IL1RAPL2: variants seen among roughly 807,000 people sequenced by gnomAD.
IL1RAPL2 encodes the protein X-linked interleukin-1 receptor accessory protein-like 2.
A neutral mutation model predicts 44.1 loss-of-function variants in IL1RAPL2; 3 were observed. The ratio of observed to expected loss-of-function variants is 0.07; its 90% CI spans 0.03 to 0.18. IL1RAPL2 has a LOEUF of 0.18. Among genes scored for constraint, IL1RAPL2 ranks in the 10% least tolerant of loss-of-function variants. The probability of loss-of-function intolerance (pLI) is 1.00; values close to 1 mark genes in which losing one functional copy is unlikely to be tolerated. For missense variants in IL1RAPL2, 391 were observed against 496.4 expected, an observed-to-expected ratio of 0.79 and a Z score of 2.02; for synonymous variants, 181 against 178.8, an observed-to-expected ratio of 1.01 and a Z score of -0.10.
chrX:105,372,477 TC>T (rs2035349802), intron 5 of IL1RAPL2, among the ~76,000 whole-genome samples: 1 of 110,650 alleles, frequency 9.0e-6, no homozygotes, highest in Non-Finnish European at 1.9e-5. Context: ...AAATGTGGGT[TC>T]CTAAAACTTT....
rs183879667 is a variant in IL1RAPL2, at chrX:105,398,494, G to T, written c.698-85819G>T. Among the ~76,000 whole-genome samples, 832 of 109,873 alleles carry T rather than the reference G, an allele frequency of 7.6e-3. 5 individuals carry two copies. Among genetic ancestry groups the T allele is most frequent in the Non-Finnish European group, 9.5e-3 (500 of 52,499 alleles). ...CTAAAGATATATTTGATTTTTTTGT[G>T]TGTGTGTGTATGTAATTAGGAATGA... On this transcript the variant is annotated intron_variant, in intron 5 of 10. Coordinates refer to ENST00000372582, the MANE Select transcript of IL1RAPL2 (RefSeq NM_017416.2).
intron 6 of IL1RAPL2, among the ~76,000 whole-genome samples, chrX:105,632,066 T>G (rs1279037125): frequency 9.1e-6 from 1 of 110,240 alleles, no homozygotes; most frequent in Admixed American, 9.7e-5. Context: ...CCTTTTTTTT[T>G]TCTTTTCTGC....
intron 3 of IL1RAPL2, among the ~76,000 whole-genome samples, chrX:105,214,526 G>A (rs2033835892): frequency 9.0e-6 from 1 of 110,607 alleles, no homozygotes; most frequent in South Asian, 3.9e-4. Flanking sequence ...CAGTAATAGT[G>A]GGAGACATTA....
chrX:104,892,109 A>T (rs1472229219), intron 2 of IL1RAPL2, among the ~76,000 whole-genome samples: 2 of 111,346 alleles, frequency 1.8e-5, no homozygotes, highest in African/African-American at 6.5e-5. Flanking sequence ...ATTGATTTGC[A>T]TATGTTGAAC....
rs570513076 is a variant in IL1RAPL2 at position 104,707,516 on chromosome X, C to A, written c.82+48521C>A. Among the ~76,000 whole-genome samples, 161 of 111,765 alleles carry A rather than the reference C, an allele frequency of 1.4e-3. 1 individual carries two copies. Among genetic ancestry groups the A allele is most frequent in the African/African-American group, 4.8e-3 (149 of 30,874 alleles). ...TTTAATTGATTGAAAGAGCCTGGCT[C>A]TAAATTTTCAATACCTTTTAATAAC... is the stretch of plus-strand genomic sequence containing the variant. On this transcript the variant is annotated intron_variant, in intron 2 of 10. Coordinates refer to ENST00000372582, the MANE Select transcript of IL1RAPL2 (RefSeq NM_017416.2).
chrX:104,948,101 G>C (rs1360612445), intron 2 of IL1RAPL2, among the ~76,000 whole-genome samples: 1 of 107,634 alleles, frequency 9.3e-6, no homozygotes, highest in East Asian at 3.0e-4. Context: ...CTTGAGCAGT[G>C]GTTTGTAGTT....
chrX:105,509,001 A>G (rs968701655), intron 6 of IL1RAPL2, among the ~76,000 whole-genome samples: 8 of 111,741 alleles, frequency 7.2e-5, no homozygotes, highest in African/African-American at 2.6e-4. Context: ...AATCCATAAA[A>G]TAGGGATTCA....
intron 2 of IL1RAPL2, among the ~76,000 whole-genome samples, chrX:104,690,427 A>G (rs763905069): frequency 8.9e-6 from 1 of 112,373 alleles, no homozygotes; most frequent in Non-Finnish European, 1.9e-5. Context: ...TGGCATGACT[A>G]TACTTCAAAC....
At chrX:105,242,031 G>A (rs976993152) in intron 4 of IL1RAPL2, among the ~76,000 whole-genome samples, 2 of 111,904 alleles carry the variant, frequency 1.8e-5, no homozygotes, top group Non-Finnish European at 3.8e-5. Flanking sequence ...TTTTAATTAT[G>A]TACTAGGTGT....
intron 2 of IL1RAPL2, among the ~76,000 whole-genome samples, chrX:104,695,329 G>A (rs1322675909): frequency 9.1e-6 from 1 of 110,220 alleles, no homozygotes; most frequent in Admixed American, 9.7e-5. Context: ...CCTTTTGTGG[G>A]GCAGCAGGAG....
At chrX:105,113,360 A>C (rs991006622) in intron 2 of IL1RAPL2, among the ~76,000 whole-genome samples, 5 of 112,437 alleles carry the variant, frequency 4.4e-5, no homozygotes, top group Admixed American at 2.8e-4. Flanking sequence ...TGTACTGTAT[A>C]TAACTGCATT....
chrX:105,126,806 T>G (rs1233024769), intron 2 of IL1RAPL2, among the ~76,000 whole-genome samples: 1 of 111,036 alleles, frequency 9.0e-6, no homozygotes, highest in Non-Finnish European at 1.9e-5. Context: ...TTATTTTCTG[T>G]GAATACCGAC....
chrX:105,009,088 G>A (rs1405414293), intron 2 of IL1RAPL2, among the ~76,000 whole-genome samples: 1 of 111,687 alleles, frequency 9.0e-6, no homozygotes, highest in Non-Finnish European at 1.9e-5. Context: ...GTATTAAAAA[G>A]TCAGGAAACA....
At chrX:105,670,103 CTGTATATATATATATATATATATA>C (rs1375113462) in intron 6 of IL1RAPL2, among the ~76,000 whole-genome samples, 9 of 8,775 alleles carry the variant, frequency 1.0e-3, no homozygotes, top group African/African-American at 3.6e-3. Context: ...TCTGGGTTTC[CTGTATATATATATATATATATATA>C]TATATATATA....
At chrX:104,919,212 C>T (rs369461242) in intron 2 of IL1RAPL2, among the ~76,000 whole-genome samples, 2 of 83,535 alleles carry the variant, frequency 2.4e-5, no homozygotes, top group South Asian at 1.7e-3. Context: ...GACTCTTGGG[C>T]ACTTTTTCTT....
At chrX:105,212,358 G>T (rs2033814738) in intron 3 of IL1RAPL2, among the ~76,000 whole-genome samples, 2 of 112,072 alleles carry the variant, frequency 1.8e-5, no homozygotes, top group African/African-American at 6.5e-5. Flanking sequence ...GGTATGGACT[G>T]GGTGAATTCA....
At chrX:105,518,189 T>G (rs1413764983) in intron 6 of IL1RAPL2, among the ~76,000 whole-genome samples, 1 of 110,203 alleles carries the variant, frequency 9.1e-6, no homozygotes, top group Admixed American at 9.8e-5. Flanking sequence ...TCTGAACATA[T>G]AGACTAGACT....
intron 6 of IL1RAPL2, among the ~76,000 whole-genome samples, chrX:105,598,103 G>A (rs1292883228): frequency 2.7e-5 from 3 of 110,885 alleles, no homozygotes; most frequent in African/African-American, 9.9e-5. Context: ...TATAGATATG[G>A]AGATCATAAT....
intron 3 of IL1RAPL2, among the ~76,000 whole-genome samples, chrX:105,229,407 G>A (rs1163358009): frequency 1.2e-4 from 13 of 111,958 alleles, no homozygotes; most frequent in Non-Finnish European, 2.4e-4. Context: ...CATCCTCAAC[G>A]ACTTCATACT....
Sources: allele counts gnomAD v4.1 joint callset (sites outside exome capture counted in the v4.1 genomes callset), GRCh38; gene constraint gnomAD v4.1.1; transcripts MANE v1.5; gene names NCBI Gene and HGNC (gene_info 2026-07-23, HGNC 2026-07-21).